TNFSF8: variants seen among roughly 807,000 people sequenced by gnomAD.
The protein encoded by TNFSF8 is tumor necrosis factor ligand superfamily member 8.
TNFSF8 carries 4 observed loss-of-function variants against 22.0 expected under a neutral mutation model. The observed-to-expected ratio is 0.18, with a 90% CI of 0.09 to 0.42. The LOEUF (loss-of-function observed/expected upper bound fraction) is 0.42. TNFSF8 is among the 10% of genes least tolerant of loss of function. The pLI is 1.00. For missense variants in TNFSF8, 233 were observed against 281.8 expected (o/e 0.83, Z 1.24); for synonymous variants, 106 against 112.5 (o/e 0.94, Z 0.37).
At chr9:114,907,176 T>C (rs887187385) in intron 2 of TNFSF8, among the ~76,000 whole-genome samples, 1 of 152,206 alleles carries the variant, frequency 6.6e-6, no homozygotes, top group Non-Finnish European at 1.5e-5. Context: ...CTCTGCTGTC[T>C]GAACAAGCTC....
At position 114,930,121 on chromosome 9, in the gene TNFSF8, G is replaced by C. The variant is rs141145398; in HGVS notation, c.183C>G (p.Val61=). The part of the protein sequence containing the change: ...VFTVATIMVL[V]VQRTDSIPNS... ...GGAGTCCACTTACCGTCCTCTGAACGACCAACACCATAATAGTGGCCACCG... is the reference window on the plus strand; with the variant it reads ...GGAGTCCACTTACCGTCCTCTGAACCACCAACACCATAATAGTGGCCACCG... Residue 61 remains valine (V), a synonymous_variant, in exon 1 of 4, where the codon GTC becomes GTG. Coordinates refer to ENST00000223795, the MANE Select transcript of TNFSF8 (RefSeq NM_001244.4). 1.2e-5 allele frequency: 18 copies of C among 1,500,688 alleles called. No individual in the cohort carries two copies. In the Admixed American group the frequency reaches 1.6e-4, roughly 13 times the overall value. The allele number at this position is 1,500,688 out of a possible 1,614,324, so 93.0% of individuals were successfully genotyped here. A position where few individuals can be genotyped will look rare whatever the true frequency, so the allele number is the denominator to read the frequency against.
chr9:114,923,498 C>CTTTCTTTCTTTCTTTA (rs1396782141), intron 1 of TNFSF8, among the ~76,000 whole-genome samples: 4 of 80,460 alleles, frequency 5.0e-5, no homozygotes. Flanking sequence ...TTCTTTCTTT[C>CTTTCTTTCTTTCTTTA]TTTCTTTCTT....
chr9:114,913,891 C>T (rs1007988482), intron 2 of TNFSF8, among the ~76,000 whole-genome samples: 32 of 152,130 alleles, frequency 2.1e-4, no homozygotes, highest in African/African-American at 6.8e-4. Context: ...CTCACTCTGC[C>T]GTGGCCTCAT....
chr9:114,896,366 C>T (rs927992227), downstream of TNFSF8, among the ~76,000 whole-genome samples: 2 of 152,100 alleles, frequency 1.3e-5, no homozygotes, highest in African/African-American at 4.8e-5. Flanking sequence ...AATCCTGATG[C>T]CTGGGTTCTA....
At chr9:114,909,411 C>G (rs923411694) in intron 2 of TNFSF8, among the ~76,000 whole-genome samples, 10 of 152,168 alleles carry the variant, frequency 6.6e-5, no homozygotes, top group African/African-American at 2.2e-4. Context: ...GAACTGTCTG[C>G]AAGTCACGGC....
At position 114,905,787 on chromosome 9, in the gene TNFSF8, C is replaced by G. The variant is rs779443839; in HGVS notation, c.310+41G>C. On this transcript the variant is annotated intron_variant, in intron 3 of 3. Coordinates refer to ENST00000223795, the MANE Select transcript of TNFSF8 (RefSeq NM_001244.4). ...AAAAGTTGCTGAAAAGCCACAGAAGCGGTTTTCATATGTTTAGGTTTCCTG... is the reference window on the plus strand; with the variant it reads ...AAAAGTTGCTGAAAAGCCACAGAAGGGGTTTTCATATGTTTAGGTTTCCTG... 2.0e-6 allele frequency: 3 copies of G among 1,482,944 alleles called. No individual in the cohort carries two copies. The Admixed American group carries it at 5.1e-5, about 25-fold the overall frequency. The allele number at this position is 1,482,944 out of a possible 1,614,324, so 91.9% of individuals were successfully genotyped here.
At chr9:114,919,959 T>A (rs977851825) in intron 1 of TNFSF8, among the ~76,000 whole-genome samples, 2 of 152,302 alleles carry the variant, frequency 1.3e-5, no homozygotes, top group South Asian at 2.1e-4. Flanking sequence ...GGGCCCTACC[T>A]TCTCAGGGGA....
At chr9:114,920,915 C>T (rs1350504817) in intron 1 of TNFSF8, among the ~76,000 whole-genome samples, 5 of 152,122 alleles carry the variant, frequency 3.3e-5, no homozygotes, top group East Asian at 3.9e-4. Context: ...GTGATCTGCC[C>T]GCCTGGGCCT....
exon 5 of TNFSF8, chr9:114,893,366 A>T (rs1827624895): frequency 6.6e-6 from 1 of 152,278 alleles, no homozygotes; most frequent in African/African-American, 2.4e-5. Flanking sequence ...AACTTTATTT[A>T]CAAAAGTAGG....
intron 1 of TNFSF8, among the ~76,000 whole-genome samples, chr9:114,927,592 T>C (rs1828079582): frequency 6.6e-6 from 1 of 152,210 alleles, no homozygotes; most frequent in Non-Finnish European, 1.5e-5. Context: ...GAAAAATATA[T>C]TCTCTCCTTA....
At position 114,901,274 on chromosome 9, in the gene TNFSF8, G is replaced by A; in HGVS notation, c.*2657C>T. On this transcript the variant is annotated 3_prime_UTR_variant, in exon 4 of 4. Transcript: ENST00000223795. Reference sequence around the variant, plus strand: ...AACAGAATTTAGTTTTAAACTTCCTGGGTTGCCTACTCCCTACATATCTAT... The same window carrying A: ...AACAGAATTTAGTTTTAAACTTCCTAGGTTGCCTACTCCCTACATATCTAT... 1.0e-6 allele frequency: 1 copy of A among 985,322 alleles called. No homozygotes were observed. 61.0% of individuals were successfully genotyped at this position (985,322 alleles called of 1,614,324 possible).
In TNFSF8 at chr9:114,918,107, G is replaced by A; in HGVS notation, c.227C>T (p.Pro76Leu). The A allele has an allele frequency of 1.2e-6, 2 of 1,607,922 alleles. No individual in the cohort carries two copies. The highest frequency in any genetic ancestry group is 1.7e-6 in the Non-Finnish European group (2 of 1,177,030). ...DSIPNSPDNV[P>L]LKGGNCSEDL... ...TTCCAAGATCTTACCTCCTTTGAGG[G>A]GGACGTTGTCAGGTGAGTTGGGAAT... The change falls in exon 2 of 4, where the codon CCC becomes CTC. Residue 76 changes from proline (P) to leucine (L), a missense_variant. Transcript: ENST00000223795.
At chr9:114,907,971 G>A (rs1012024044) in intron 2 of TNFSF8, among the ~76,000 whole-genome samples, 1 of 152,140 alleles carries the variant, frequency 6.6e-6, no homozygotes, top group African/African-American at 2.4e-5. Context: ...CTGCTGTCCG[G>A]GAGTTTGGGG....
chr9:114,903,840 G>C lies in TNFSF8; in HGVS notation c.*91C>G. Reference sequence around the variant, plus strand: ...TTAATACCCTGTGTAGTTTGTCTTGGTCTAAAGTTTTCTTTTTGCCCAAGT... The same window carrying C: ...TTAATACCCTGTGTAGTTTGTCTTGCTCTAAAGTTTTCTTTTTGCCCAAGT... On this transcript the variant is annotated 3_prime_UTR_variant, in exon 4 of 4. Transcript: ENST00000223795. 1 of 1,516,616 alleles carries C rather than the reference G, an allele frequency of 6.6e-7. No individual in the cohort carries two copies. Among genetic ancestry groups the C allele is most frequent in the Middle Eastern group, 2.1e-4 (1 of 4,670 alleles). The allele number at this position is 1,516,616 out of a possible 1,614,324, so 93.9% of individuals were successfully genotyped here.
chr9:114,903,504 C>T lies in TNFSF8; in HGVS notation c.*427G>A, dbSNP rs116340928. 1.7e-3 allele frequency: 273 copies of T among 165,088 alleles called. No individual in the cohort carries two copies. The highest frequency in any genetic ancestry group is 6.1e-3 in the African/African-American group (253 of 41,802). 10.2% of individuals were successfully genotyped at this position (165,088 alleles called of 1,614,324 possible). ...CCATCTGCAGATAAAAGAAGTATCC[C>T]GTGAAGGGCACAGTGTAAACACTCA... is the stretch of plus-strand genomic sequence containing the variant. On this transcript the variant is annotated 3_prime_UTR_variant, in exon 4 of 4. Coordinates refer to ENST00000223795, the MANE Select transcript of TNFSF8 (RefSeq NM_001244.4).
intron 2 of TNFSF8, among the ~76,000 whole-genome samples, chr9:114,908,422 C>T (rs1465856205): frequency 1.3e-5 from 2 of 152,202 alleles, no homozygotes; most frequent in African/African-American, 4.8e-5. Context: ...AGATAAGATT[C>T]ATGCCTTGGG....
chr9:114,914,498 T>G (rs1019027886), intron 2 of TNFSF8, among the ~76,000 whole-genome samples: 2 of 151,654 alleles, frequency 1.3e-5, no homozygotes, highest in Non-Finnish European at 2.9e-5. Flanking sequence ...AAACAAGGAG[T>G]GATGAGGAGA....
At chr9:114,924,113 C>G (rs548451826) in intron 1 of TNFSF8, among the ~76,000 whole-genome samples, 19 of 152,114 alleles carry the variant, frequency 1.2e-4, no homozygotes, top group Non-Finnish European at 2.4e-4. Context: ...AAAACAAACA[C>G]CAAAGGGCAA....
Position 114,903,994 on chromosome 9 carries a change from T to A in TNFSF8, c.642A>T (p.Ile214=). The change falls in exon 4 of 4, where the codon ATA becomes ATT. Residue 214 remains isoleucine (I), a synonymous_variant. Coordinates refer to ENST00000223795, the MANE Select transcript of TNFSF8 (RefSeq NM_001244.4). ...TCTCAAGAGGAAAGGTGCTTGTATC[T>A]ATGTACTGGAATGTATCCACATTGA... is the stretch of plus-strand genomic sequence containing the variant. ...ISVNVDTFQY[I]DTSTFPLENV... The A allele has an allele frequency of 3.1e-6, 5 of 1,614,126 alleles. No individual in the cohort carries two copies. The highest frequency in any genetic ancestry group is 4.2e-6 in the Non-Finnish European group (5 of 1,179,984).
Sources: gnomAD v4.1 joint callset for allele counts (sites outside exome capture counted in the v4.1 genomes callset) on GRCh38, gnomAD v4.1.1 for gene constraint, MANE v1.5 for transcripts, NCBI Gene and HGNC (gene_info 2026-07-23, HGNC 2026-07-21) for gene names.